ZHX3: variants seen among roughly 807,000 people sequenced by gnomAD.
ZHX3 encodes zinc fingers and homeoboxes 3, also known as zinc fingers and homeoboxes protein 3.
A neutral mutation model predicts 64.5 loss-of-function variants in ZHX3; 20 were observed. The ratio of observed to expected loss-of-function variants is 0.31; its 90% CI spans 0.22 to 0.45. ZHX3 has a LOEUF of 0.45. ZHX3 is among the 20% of genes least tolerant of loss of function. ZHX3 has a pLI of 1.00. For missense variants in ZHX3, 1,041 were observed against 1,195.8 expected, an observed-to-expected ratio of 0.87 and a Z score of 1.91; for synonymous variants, 423 against 461.6, an observed-to-expected ratio of 0.92 and a Z score of 1.07.
intron 1 of ZHX3, among the ~76,000 whole-genome samples, chr20:41,316,218 T>C (rs2045284241): frequency 1.3e-5 from 2 of 152,214 alleles, no homozygotes; most frequent in Non-Finnish European, 1.5e-5. Context: ...GCAACTTTGA[T>C]ACCATCTTTC....
rs1371640008 is a variant in ZHX3 at position 41,182,468 on chromosome 20, C to T, written c.*2723G>A. 1 of 152,292 alleles carries T rather than the reference C, an allele frequency of 6.6e-6. No individual in the cohort carries two copies. The highest frequency in any genetic ancestry group is 1.5e-5 in the Non-Finnish European group (1 of 68,088). 9.4% of individuals were successfully genotyped at this position (152,292 alleles called of 1,614,324 possible). A position where few individuals can be genotyped will look rare whatever the true frequency, so the allele number is the denominator to read the frequency against. ...ACCTGGCTGCTGCCATCCCACATCCCCCACTGCCACTGGGCTAGTGTGGGT... is the reference window on the plus strand; with the variant it reads ...ACCTGGCTGCTGCCATCCCACATCCTCCACTGCCACTGGGCTAGTGTGGGT... On this transcript the variant is annotated 3_prime_UTR_variant, in exon 4 of 4. Transcript: ENST00000683867. The surrounding 1 kb of genome is among the most constrained non-coding windows in gnomAD (Gnocchi z 6.1).
In ZHX3 at chr20:41,203,759, G is replaced by C. The variant is rs761000358; in HGVS notation, c.1158C>G (p.Pro386=). 1.9e-6 allele frequency: 3 copies of C among 1,614,120 alleles called. No individual in the cohort carries two copies. In the African/African-American group the frequency reaches 4.0e-5, roughly 22 times the overall value. ...GTGGGGTATTTAGAACCGTAATTGT[G>C]GGCTGAGGCACAGACTGGATGACTG... The part of the protein sequence containing the change: ...FNTVIQSVPQ[P]TITVLNTPLV... The change falls in exon 3 of 4, where the codon CCC becomes CCG. Residue 386 remains proline, a synonymous_variant. Transcript: ENST00000683867. This position sits in a 1 kb window ranked among gnomAD's most constrained non-coding sequence, Gnocchi z 7.1.
chr20:41,211,198 T>C (rs898831353), intron 2 of ZHX3, among the ~76,000 whole-genome samples: 14 of 152,264 alleles, frequency 9.2e-5, no homozygotes, highest in South Asian at 4.1e-4. Context: ...ATTACTAATA[T>C]AGAATGATAA....
In ZHX3 at chr20:41,185,067, C is replaced by T. The variant is rs1258662044; in HGVS notation, c.*124G>A. On this transcript the variant is annotated 3_prime_UTR_variant, in exon 4 of 4. Coordinates refer to ENST00000683867, the MANE Select transcript of ZHX3 (RefSeq NM_001384317.1). The surrounding 1 kb of genome is among the most constrained non-coding windows in gnomAD (Gnocchi z 5.0). Reference sequence around the variant, plus strand: ...GGGCTGTCTGCGAGGATTCTGGAAGCTCTCCCAGGTGCCCAGCAGCCGGGC... The same window carrying T: ...GGGCTGTCTGCGAGGATTCTGGAAGTTCTCCCAGGTGCCCAGCAGCCGGGC... 4 of 1,554,072 alleles carry T rather than the reference C, an allele frequency of 2.6e-6. No homozygotes were observed. In the African/African-American group the frequency reaches 4.1e-5, roughly 16 times the overall value.
chr20:41,263,439 G>C (rs2042664475), intron 2 of ZHX3, among the ~76,000 whole-genome samples: 1 of 150,758 alleles, frequency 6.6e-6, no homozygotes, highest in African/African-American at 2.4e-5. Context: ...CTGTTGCCCA[G>C]GCTGCAGTGC....
At chr20:41,284,846 C>A (rs1031313038) in intron 1 of ZHX3, among the ~76,000 whole-genome samples, 1 of 152,156 alleles carries the variant, frequency 6.6e-6, no homozygotes, top group East Asian at 1.9e-4. Flanking sequence ...AAGCTCCATC[C>A]TACCCCCTAC....
chr20:41,216,575 C>T (rs755254610), intron 2 of ZHX3, among the ~76,000 whole-genome samples: 1 of 152,178 alleles, frequency 6.6e-6, no homozygotes, highest in Non-Finnish European at 1.5e-5. Flanking sequence ...TTTTAAACAA[C>T]TTCAGCATTC....
intron 1 of ZHX3, among the ~76,000 whole-genome samples, chr20:41,304,639 T>C (rs1288453320): frequency 2.0e-5 from 3 of 152,238 alleles, no homozygotes; most frequent in Non-Finnish European, 4.4e-5. Context: ...AGATTTATTT[T>C]AAGAACTGGC....
chr20:41,238,202 A>G (rs537512032), intron 2 of ZHX3, among the ~76,000 whole-genome samples: 2 of 152,212 alleles, frequency 1.3e-5, no homozygotes, highest in African/African-American at 2.4e-5. Flanking sequence ...AAAGCACTCA[A>G]TACCCATTAT....
chr20:41,215,942 A>ACT (rs1473097993), intron 2 of ZHX3, among the ~76,000 whole-genome samples: 2 of 149,280 alleles, frequency 1.3e-5, no homozygotes, highest in East Asian at 3.9e-4. Flanking sequence ...ACAGAGCGAG[A>ACT]CTGTCCAAAA....
chr20:41,216,496 T>A (rs2039543376), intron 2 of ZHX3, among the ~76,000 whole-genome samples: 1 of 152,234 alleles, frequency 6.6e-6, no homozygotes, highest in Non-Finnish European at 1.5e-5. Flanking sequence ...ATTTTGACCC[T>A]GAGTTTTCGT....
At chr20:41,266,705 C>T (rs369358099) in intron 2 of ZHX3, among the ~76,000 whole-genome samples, 1 of 151,776 alleles carries the variant, frequency 6.6e-6, no homozygotes, top group Non-Finnish European at 1.5e-5. Flanking sequence ...GCCACTGCGC[C>T]CAGCTAATTT....
At position 41,184,086 on chromosome 20, in the gene ZHX3, A is replaced by C. The variant is rs964254948; in HGVS notation, c.*1105T>G. ...GTTCTGCCAGGGATCTCTGCATGCA[A>C]GTCTTTGTGCTAAAGACCACCCTAC... On this transcript the variant is annotated 3_prime_UTR_variant, in exon 4 of 4. Transcript: ENST00000683867. The C allele has an allele frequency of 1.3e-5, 2 of 152,276 alleles. No individual in the cohort carries two copies. Among genetic ancestry groups the C allele is most frequent in the African/African-American group, 4.8e-5 (2 of 41,454 alleles). 9.4% of individuals were successfully genotyped at this position (152,276 alleles called of 1,614,324 possible).
intron 1 of ZHX3, among the ~76,000 whole-genome samples, chr20:41,294,900 T>G (rs1035082789): frequency 3.9e-5 from 6 of 152,034 alleles, no homozygotes; most frequent in Non-Finnish European, 5.9e-5. Context: ...TTTCAACATG[T>G]TGGCCAGACT....
In ZHX3 at chr20:41,201,337, A is replaced by C; in HGVS notation, c.2860+720T>G. 7.7e-7 allele frequency: 1 copy of C among 1,304,728 alleles called. No homozygotes were observed. The highest frequency in any genetic ancestry group is 1.0e-6 in the Non-Finnish European group (1 of 989,058). The allele number at this position is 1,304,728 out of a possible 1,614,324, so 80.8% of individuals were successfully genotyped here. On this transcript the variant is annotated intron_variant, in intron 3 of 3. Coordinates refer to ENST00000683867, the MANE Select transcript of ZHX3 (RefSeq NM_001384317.1). This position sits in a 1 kb window ranked among gnomAD's most constrained non-coding sequence, Gnocchi z 5.0. ...GGTCTCTAATGAGAACACAAATGTC[A>C]AAGGGTAAGGAGGGAAGGGAGAGGC... is the stretch of plus-strand genomic sequence containing the variant.
At chr20:41,281,275 T>C (rs1434326338) in intron 1 of ZHX3, among the ~76,000 whole-genome samples, 1 of 152,156 alleles carries the variant, frequency 6.6e-6, no homozygotes, top group African/African-American at 2.4e-5. Flanking sequence ...AATAAAGTTA[T>C]TTGGGTATAT....
chr20:41,264,675 T>C (rs932046105), intron 2 of ZHX3, among the ~76,000 whole-genome samples: 4 of 151,974 alleles, frequency 2.6e-5, no homozygotes, highest in Non-Finnish European at 5.9e-5. Context: ...GATCAAGATA[T>C]AGGTTATCTA....
In ZHX3 at chr20:41,226,624, T is replaced by A. The variant is rs1171233141; in HGVS notation, c.-150-21558A>T. Among the ~76,000 whole-genome samples the A allele has an allele frequency of 2.0e-5, 3 of 152,236 alleles. No individual in the cohort carries two copies. Among genetic ancestry groups the A allele is most frequent in the Non-Finnish European group, 2.9e-5 (2 of 68,046 alleles). ...CAGCAGAAATCACAGGAGTCATCAA[T>A]TCGTCTTTACCTTTTTTGATCCTGT... On this transcript the variant is annotated intron_variant, in intron 2 of 3. Transcript: ENST00000683867. The surrounding 1 kb of genome is among the most constrained non-coding windows in gnomAD (Gnocchi z 4.4).
intron 1 of ZHX3, among the ~76,000 whole-genome samples, chr20:41,290,829 G>A (rs890640111): frequency 1.3e-5 from 2 of 152,184 alleles, no homozygotes; most frequent in Non-Finnish European, 2.9e-5. Context: ...ATGTGGAAAA[G>A]TGGCTACAGG....
Sources: allele counts gnomAD v4.1 joint callset (sites outside exome capture counted in the v4.1 genomes callset), GRCh38; gene constraint gnomAD v4.1.1; non-coding constraint Gnocchi (gnomAD v3.1); transcripts MANE v1.5; gene names NCBI Gene and HGNC (gene_info 2026-07-23, HGNC 2026-07-21).